MTMR12: variants seen among roughly 807,000 people sequenced by gnomAD.
The protein encoded by MTMR12 is myotubularin related protein 12, also known as myotubularin-related protein 12.
MTMR12 carries 33 observed loss-of-function variants against 96.7 expected under a neutral mutation model. The ratio of observed to expected loss-of-function variants is 0.34; its 90% CI spans 0.26 to 0.46. The LOEUF is 0.46. Ranked by LOEUF, MTMR12 falls within the 20% of genes least tolerant of loss-of-function variation. MTMR12 has a pLI of 1.00. For synonymous variants in MTMR12, 298 were observed against 327.2 expected, an observed-to-expected ratio of 0.91 and a Z score of 0.96; for missense variants, 721 against 896.1, an observed-to-expected ratio of 0.80 and a Z score of 2.49.
intron 13 of MTMR12, among the ~76,000 whole-genome samples, chr5:32,236,669 C>T (rs953102299): frequency 3.3e-5 from 5 of 151,834 alleles, no homozygotes; most frequent in African/African-American, 1.2e-4. Flanking sequence ...GAAACCCTGT[C>T]TCTACTAAAA....
chr5:32,247,745 G>GT, intron 10 of MTMR12: 3 of 985,350 alleles, frequency 3.0e-6, no homozygotes, highest in Non-Finnish European at 3.6e-6. Context: ...TGGGCAAATG[G>GT]TATGCTGAGG....
At chr5:32,240,398 C>T (rs75960496) in intron 12 of MTMR12, among the ~76,000 whole-genome samples, 3 of 100,062 alleles carry the variant, frequency 3.0e-5, no homozygotes, top group Admixed American at 1.0e-4. Flanking sequence ...GACTCCGTCT[C>T]AAAAAAAAAA....
At chr5:32,301,095 T>C (rs190219673) in intron 1 of MTMR12, among the ~76,000 whole-genome samples, 108 of 151,950 alleles carry the variant, frequency 7.1e-4, no homozygotes, top group Non-Finnish European at 1.1e-3. Flanking sequence ...GAAAAAGATT[T>C]GTAGGGCAAG....
At chr5:32,291,346 C>A (rs1203232270) in intron 1 of MTMR12, among the ~76,000 whole-genome samples, 2 of 152,174 alleles carry the variant, frequency 1.3e-5, no homozygotes, top group Non-Finnish European at 1.5e-5. Flanking sequence ...GTGCATTTTG[C>A]ATGGAAAGAG....
chr5:32,240,701 A>G (rs928080019), intron 12 of MTMR12, among the ~76,000 whole-genome samples: 1 of 152,104 alleles, frequency 6.6e-6, no homozygotes, highest in African/African-American at 2.4e-5. Flanking sequence ...CCCAGATTAA[A>G]GCAATTCTTG....
At chr5:32,295,159 G>A (rs767750846) in intron 1 of MTMR12, among the ~76,000 whole-genome samples, 1 of 152,220 alleles carries the variant, frequency 6.6e-6, no homozygotes, top group Non-Finnish European at 1.5e-5. Flanking sequence ...GGCTCCCTCC[G>A]AGCAGGCCTG....
intron 7 of MTMR12, among the ~76,000 whole-genome samples, chr5:32,257,970 T>C (rs568718559): frequency 5.9e-5 from 9 of 151,754 alleles, no homozygotes; most frequent in Non-Finnish European, 8.8e-5. Context: ...ATATAAAATA[T>C]AAAAAATTGA....
At chr5:32,282,466 A>G (rs1750340021) in intron 1 of MTMR12, among the ~76,000 whole-genome samples, 2 of 149,230 alleles carry the variant, frequency 1.3e-5, no homozygotes, top group Admixed American at 6.7e-5. Context: ...TAAATAAATA[A>G]AATAAAAAAT....
Position 32,242,226 on chromosome 5 carries a change from T to C in MTMR12, c.1101-99A>G, listed in dbSNP as rs1030361557. On this transcript the variant is annotated intron_variant, in intron 11 of 15. Coordinates refer to ENST00000382142, the MANE Select transcript of MTMR12 (RefSeq NM_001040446.3). ...GAGAGTCTGACTTGATCTTCAGTCT[T>C]CTCTCTTATTTTTTTTTTTTCCACG... 5.1e-6 allele frequency: 4 copies of C among 780,812 alleles called. No individual in the cohort carries two copies. In the African/African-American group the frequency reaches 5.2e-5, roughly 10 times the overall value. 48.4% of individuals were successfully genotyped at this position (780,812 alleles called of 1,614,324 possible). A position where few individuals can be genotyped will look rare whatever the true frequency, so the allele number is the denominator to read the frequency against.
chr5:32,287,521 A>G (rs1750582386), intron 1 of MTMR12, among the ~76,000 whole-genome samples: 2 of 152,196 alleles, frequency 1.3e-5, no homozygotes, highest in Admixed American at 1.3e-4. Context: ...TTAATATTTA[A>G]TAAACTCCCC....
intron 1 of MTMR12, among the ~76,000 whole-genome samples, chr5:32,303,847 C>CAA (rs57459005): frequency 2.3e-3 from 159 of 67,872 alleles, no homozygotes; most frequent in Non-Finnish European, 3.2e-3. Flanking sequence ...TTTGCCATCT[C>CAA]AAAAAAAAAA....
chr5:32,268,578 A>C, intron 6 of MTMR12, 123 bp downstream of exon 6: 1 of 648,652 alleles, frequency 1.5e-6, no homozygotes, highest in Non-Finnish European at 2.7e-6. Flanking sequence ...GCAAGGGGTG[A>C]CCAATTGGTA....
chr5:32,303,929 ACT>A (rs1751247481), intron 1 of MTMR12, among the ~76,000 whole-genome samples: 1 of 151,842 alleles, frequency 6.6e-6, no homozygotes, highest in South Asian at 2.1e-4. Flanking sequence ...GTGGGTATTT[ACT>A]GGAAAAACTT....
chr5:32,312,794 G>C lies in MTMR12; in HGVS notation c.45C>G (p.Ala15=), dbSNP rs1751656648. Residue 15 remains alanine, a synonymous_variant, in exon 1 of 16, where the codon GCC becomes GCG. Transcript: ENST00000382142. This position sits in a 1 kb window ranked among gnomAD's most constrained non-coding sequence, Gnocchi z 5.0. The stretch of plus-strand genomic sequence containing the variant: ...CGTACGACACGAAGGAGGGCTTGGG[G>C]GCCTTGGTGCCGCCGCCACCGCCGA... ...GVVGGGGGTK[A]PKPSFVSYVR... 3 of 1,533,490 alleles carry C rather than the reference G, an allele frequency of 2.0e-6. No individual in the cohort carries two copies. The highest frequency in any genetic ancestry group is 5.5e-5 in the East Asian group (2 of 36,218). The allele number at this position is 1,533,490 out of a possible 1,614,324, so 95.0% of individuals were successfully genotyped here.
intron 8 of MTMR12, among the ~76,000 whole-genome samples, chr5:32,251,270 A>G (rs1303167523): frequency 2.0e-5 from 3 of 151,866 alleles, no homozygotes; most frequent in Non-Finnish European, 4.4e-5. Context: ...TTACCTCGTG[A>G]TCCGCCCGCC....
intron 3 of MTMR12, among the ~76,000 whole-genome samples, 178 bp from the exon 4 acceptor site, chr5:32,272,083 A>C (rs1282202752): frequency 6.6e-6 from 1 of 152,044 alleles, no homozygotes; most frequent in African/African-American, 2.4e-5. Flanking sequence ...CGAGGTCAGG[A>C]GATCGAGACC....
At position 32,312,612 on chromosome 5, in the gene MTMR12, G is replaced by A; in HGVS notation, c.81+146C>T. 1 of 695,942 alleles carries A rather than the reference G, an allele frequency of 1.4e-6. No homozygotes were observed. Among genetic ancestry groups the A allele is most frequent in the East Asian group, 4.5e-5 (1 of 21,984 alleles). 43.1% of individuals were successfully genotyped at this position (695,942 alleles called of 1,614,324 possible). A position where few individuals can be genotyped will look rare whatever the true frequency, so the allele number is the denominator to read the frequency against. ...CGCGCGGAGGCCCCAGCGCGCTCCT[G>A]CGGCCTCAGCCCGCCTGGCTGCCCC... On this transcript the variant is annotated intron_variant, in intron 1 of 15. Transcript: ENST00000382142. This position sits in a 1 kb window ranked among gnomAD's most constrained non-coding sequence, Gnocchi z 5.0.
At chr5:32,294,278 T>G (rs1447651118) in intron 1 of MTMR12, among the ~76,000 whole-genome samples, 1 of 152,074 alleles carries the variant, frequency 6.6e-6, no homozygotes, top group African/African-American at 2.4e-5. Flanking sequence ...ACTCTGTATA[T>G]GCCTCCAGAA....
intron 8 of MTMR12, among the ~76,000 whole-genome samples, chr5:32,252,143 G>A (rs990194405): frequency 2.0e-5 from 3 of 152,140 alleles, no homozygotes; most frequent in Admixed American, 6.5e-5. Flanking sequence ...GAAGAACAGC[G>A]GCCAAAGCCT....
Sources: gnomAD v4.1 joint callset for allele counts (sites outside exome capture counted in the v4.1 genomes callset) on GRCh38, gnomAD v4.1.1 for gene constraint, Gnocchi (gnomAD v3.1) non-coding constraint, MANE v1.5 for transcripts, NCBI Gene and HGNC (gene_info 2026-07-23, HGNC 2026-07-21) for gene names.